PTPRD: variants seen among roughly 807,000 people sequenced by gnomAD.
PTPRD encodes the protein receptor-type tyrosine-protein phosphatase delta.
In PTPRD, 34 loss-of-function variants were observed where a neutral mutation model predicts 214.5. The ratio of observed to expected loss-of-function variants is 0.16; its 90% CI spans 0.12 to 0.21. The LOEUF (loss-of-function observed/expected upper bound fraction) is 0.21. Ranked by LOEUF, PTPRD falls within the 10% of genes least tolerant of loss-of-function variation. The pLI is 1.00. For missense variants in PTPRD, 2,545 were observed against 2,398.7 expected, an observed-to-expected ratio of 1.06 and a Z score of -1.27; for synonymous variants, 1,128 against 845.7, an observed-to-expected ratio of 1.33 and a Z score of -5.79.
intron 11 of PTPRD, among the ~76,000 whole-genome samples, chr9:8,785,426 T>A (rs995688250): frequency 2.0e-5 from 3 of 152,204 alleles, no homozygotes; most frequent in Admixed American, 2.0e-4. Context: ...CACATAGTCA[T>A]GGTTCTGTCC....
chr9:9,442,891 G>A (rs560210412), intron 8 of PTPRD, among the ~76,000 whole-genome samples: 1 of 152,236 alleles, frequency 6.6e-6, no homozygotes, highest in South Asian at 2.1e-4. Context: ...TTGAGCCATT[G>A]TGGTGTGCAT....
chr9:10,337,968 A>AT (rs1005019263), intron 3 of PTPRD, among the ~76,000 whole-genome samples: 7 of 151,662 alleles, frequency 4.6e-5, no homozygotes, highest in Non-Finnish European at 8.9e-5. Context: ...CTAATATAAA[A>AT]TTTTTTTTAA....
At position 8,353,818 on chromosome 9, in the gene PTPRD, ATATATGTATATATGTATATATGT is replaced by A. The variant is rs1564199287; in HGVS notation, c.4662-11863_4662-11841del. 4.5e-4 allele frequency among the ~76,000 whole-genome samples: 8 copies of A among 17,952 alleles called. No individual in the cohort carries two copies. In the East Asian group the frequency reaches 7.7e-3, roughly 17 times the overall value. 11.8% of individuals were successfully genotyped at this position (17,952 alleles called of 152,430 possible). A position where few individuals can be genotyped will look rare whatever the true frequency, so the allele number is the denominator to read the frequency against. ...ATTTGAGACTCCTTCTCAAAAAAAA[ATATATGTATATATGTATATATGT>A]ATATATGTATATATGTGTATATATG... On this transcript the variant is annotated intron_variant, in intron 39 of 45. Coordinates refer to ENST00000381196, the MANE Select transcript of PTPRD (RefSeq NM_002839.4).
intron 21 of PTPRD, 96 bp from the exon 22 acceptor site, chr9:8,507,530 G>A (rs1416642959): frequency 7.0e-7 from 1 of 1,437,200 alleles, no homozygotes; most frequent in Non-Finnish European, 9.6e-7. Flanking sequence ...TTCGAAATCT[G>A]TACACATGTA....
intron 10 of PTPRD, among the ~76,000 whole-genome samples, chr9:9,057,939 TAAG>T (rs1215216443): frequency 6.6e-6 from 1 of 152,210 alleles, no homozygotes; most frequent in African/African-American, 2.4e-5. Context: ...CTACAATCAT[TAAG>T]AAGAAATAAA....
chr9:10,261,016 GTGTGTATATATATTATATA>G (rs879874468), intron 3 of PTPRD, among the ~76,000 whole-genome samples: 15,713 of 145,050 alleles, frequency 0.11, 985 homozygotes, highest in Non-Finnish European at 0.14. Flanking sequence ...ATGTATATAT[GTGTGTATATATATTATATA>G]TGTGTATATA....
intron 9 of PTPRD, among the ~76,000 whole-genome samples, chr9:9,212,128 G>C (rs997421255): frequency 2.0e-5 from 3 of 152,038 alleles, no homozygotes; most frequent in African/African-American, 7.2e-5. Flanking sequence ...CCACCACTGA[G>C]AGGGATAAAG....
intron 9 of PTPRD, among the ~76,000 whole-genome samples, chr9:9,337,279 A>G (rs2044902350): frequency 6.6e-6 from 1 of 152,216 alleles, no homozygotes; most frequent in Non-Finnish European, 1.5e-5. Flanking sequence ...GTAGTCAGCA[A>G]TGAAAGCAGG....
intron 14 of PTPRD, among the ~76,000 whole-genome samples, chr9:8,549,396 C>T (rs992072647): frequency 6.6e-6 from 1 of 152,120 alleles, no homozygotes; most frequent in Non-Finnish European, 1.5e-5. Flanking sequence ...ATTTGTGTTT[C>T]TCTCATATGA....
intron 3 of PTPRD, among the ~76,000 whole-genome samples, chr9:10,302,941 A>T (rs1301096170): frequency 6.6e-6 from 1 of 152,212 alleles, no homozygotes; most frequent in African/African-American, 2.4e-5. Context: ...TCTCCACCCC[A>T]AATCAACAGA....
chr9:9,958,126 G>A (rs970100978), intron 4 of PTPRD, among the ~76,000 whole-genome samples: 3 of 152,124 alleles, frequency 2.0e-5, no homozygotes, highest in African/African-American at 7.2e-5. Flanking sequence ...AAAAATTCTA[G>A]AAGATACACA....
intron 9 of PTPRD, among the ~76,000 whole-genome samples, chr9:9,360,652 G>A (rs1035600942): frequency 6.6e-6 from 1 of 150,752 alleles, no homozygotes; most frequent in East Asian, 1.9e-4. Flanking sequence ...ATCTAGTCAT[G>A]GTATCAAAAT....
intron 5 of PTPRD, among the ~76,000 whole-genome samples, chr9:9,831,670 T>C (rs940848617): frequency 1.3e-4 from 19 of 151,974 alleles, no homozygotes; most frequent in Non-Finnish European, 7.4e-5. Flanking sequence ...CAGCATAACC[T>C]GAAGAGCTGA....
chr9:9,917,142 A>C (rs1299287668), intron 5 of PTPRD, among the ~76,000 whole-genome samples: 1 of 151,262 alleles, frequency 6.6e-6, no homozygotes, highest in Admixed American at 6.6e-5. Context: ...TCTAACAATG[A>C]ATGTCTAGAA....
chr9:10,252,620 T>C (rs1013957891), intron 3 of PTPRD, among the ~76,000 whole-genome samples: 13 of 152,238 alleles, frequency 8.5e-5, no homozygotes, highest in African/African-American at 2.9e-4. Context: ...GTGATCAGTA[T>C]TGTTTTAAGA....
intron 2 of PTPRD, among the ~76,000 whole-genome samples, chr9:10,345,799 CA>C (rs952804546): frequency 6.6e-6 from 1 of 152,168 alleles, no homozygotes; most frequent in African/African-American, 2.4e-5. Flanking sequence ...ATTGCTGAGT[CA>C]AATGGTATTT....
intron 2 of PTPRD, among the ~76,000 whole-genome samples, chr9:10,344,319 G>C (rs1248565980): frequency 1.3e-5 from 2 of 152,012 alleles, no homozygotes; most frequent in African/African-American, 2.4e-5. Flanking sequence ...TGTCAGGTTT[G>C]TCATACATCA....
At chr9:10,541,204 C>T (rs1198076466) in intron 2 of PTPRD, among the ~76,000 whole-genome samples, 1 of 152,012 alleles carries the variant, frequency 6.6e-6, no homozygotes, top group African/African-American at 2.4e-5. Context: ...TCTTTAAATG[C>T]TGATATAAGA....
chr9:10,328,169 T>A (rs1399892727), intron 3 of PTPRD, among the ~76,000 whole-genome samples: 1 of 151,766 alleles, frequency 6.6e-6, no homozygotes, highest in South Asian at 2.1e-4. Flanking sequence ...CCATTCTTTT[T>A]ATCAGTGATT....
Sources: allele counts gnomAD v4.1 joint callset (sites outside exome capture counted in the v4.1 genomes callset), GRCh38; gene constraint gnomAD v4.1.1; transcripts MANE v1.5; gene names NCBI Gene and HGNC (gene_info 2026-07-23, HGNC 2026-07-21).